The following PTCH1 variants were observed in gnomAD, a reference collection of about 807,000 sequenced individuals.
PTCH1 encodes the protein patched 1.
In PTCH1, 14 loss-of-function variants were observed where a neutral mutation model predicts 144.6. That is an observed-to-expected ratio of 0.10 (90% CI 0.06 to 0.15). The LOEUF (loss-of-function observed/expected upper bound fraction) is 0.15. Among genes scored for constraint, PTCH1 ranks in the 10% least tolerant of loss-of-function variants. The pLI is 1.00. For missense variants in PTCH1, 1,623 were observed against 1,948.3 expected, an observed-to-expected ratio of 0.83 and a Z score of 3.14; for synonymous variants, 833 against 793.6, an observed-to-expected ratio of 1.05 and a Z score of -0.83.
chr9:95,480,581 G>C lies in PTCH1; in HGVS notation c.754C>G (p.Pro252Ala), dbSNP rs751223274. The C allele has an allele frequency of 6.2e-7, 1 of 1,613,314 alleles. No homozygotes were observed. Among genetic ancestry groups the C allele is most frequent in the Non-Finnish European group, 8.5e-7 (1 of 1,179,524 alleles). Residue 252 changes from proline to alanine, a missense_variant, in exon 6 of 24, where the codon CCT (proline) becomes GCT (alanine). By Grantham distance (27) the Pro-to-Ala change is conservative. This residue lies in a region of PTCH1 where 230 missense variants were observed against 271.0 expected (regional missense o/e 0.85). Transcript: ENST00000331920. ...QSGTAYLLGK[P>A]PLRWTNFDPL... ...TCGAAGTTTGTCCACCGCAAAGGAGGTTTACCTCTGCAAAAGAAATTAGGA... is the reference window on the plus strand; with the variant it reads ...TCGAAGTTTGTCCACCGCAAAGGAGCTTTACCTCTGCAAAAGAAATTAGGA...
chr9:95,504,573 T>A (rs28446321), intron 2 of PTCH1, among the ~76,000 whole-genome samples: 18,069 of 151,980 alleles, frequency 0.12, 1,347 homozygotes, highest in African/African-American at 0.21. Context: ...CCCTATTCTG[T>A]CCAAGAATCT....
chr9:95,463,594 A>C (rs895360362), intron 15 of PTCH1, among the ~76,000 whole-genome samples: 1 of 152,158 alleles, frequency 6.6e-6, no homozygotes, highest in East Asian at 1.9e-4. Context: ...AACAATTTTC[A>C]TGATGTCATG....
chr9:95,459,561 T>A, intron 17 of PTCH1, 39 bp downstream of exon 17: 1 of 1,610,784 alleles, frequency 6.2e-7, no homozygotes, highest in African/African-American at 1.3e-5. Flanking sequence ...GGAAGGCACC[T>A]CTGTAAGTTC....
chr9:95,452,366 G>C (rs1022924989), intron 20 of PTCH1: 2 of 116,660 alleles, frequency 1.7e-5, no homozygotes, highest in Non-Finnish European at 3.8e-5. Context: ...CAACCTCTCA[G>C]TACTGAAGCG....
chr9:95,488,454 CA>C (rs1341521725), intron 2 of PTCH1, among the ~76,000 whole-genome samples: 28 of 152,226 alleles, frequency 1.8e-4, no homozygotes, highest in African/African-American at 6.3e-4. Flanking sequence ...TTCACTTTTA[CA>C]TATTATATGG....
intron 2 of PTCH1, among the ~76,000 whole-genome samples, chr9:95,490,567 T>C (rs1314008760): frequency 4.6e-5 from 6 of 130,552 alleles, no homozygotes; most frequent in East Asian, 2.2e-4. Context: ...AAAAGAAAGA[T>C]AGATATGAGA....
chr9:95,494,867 A>G (rs1429196328), intron 2 of PTCH1: 1 of 152,442 alleles, frequency 6.6e-6, no homozygotes, highest in Non-Finnish European at 1.5e-5. Flanking sequence ...ATTGCATAAC[A>G]TTAACCCCAG....
chr9:95,496,550 G>C (rs1407070938), intron 2 of PTCH1, among the ~76,000 whole-genome samples: 2 of 135,580 alleles, frequency 1.5e-5, no homozygotes, highest in African/African-American at 5.5e-5. Context: ...AAAAAAAAAA[G>C]AAAAAAAAAA....
rs765578315 is a variant in PTCH1 at position 95,461,963 on chromosome 9, C to T, written c.2596G>A (p.Gly866Arg). The change falls in exon 16 of 24, where the codon GGG (glycine) becomes AGG (arginine). Residue 866 changes from glycine to arginine, a missense_variant. This residue lies in a region of PTCH1 where 504 missense variants were observed against 679.3 expected (regional missense o/e 0.74). Transcript: ENST00000331920. ...TTGTAATTGTTTGGCATGATTTTCC[C>T]GGTTTCCCAGTCACTGTCAAATGCA... Reference protein sequence around the residue: ...QDAFDSDWETGKIMPNNYKNG... With the variant: ...QDAFDSDWETRKIMPNNYKNG... 20 of 1,614,080 alleles carry T rather than the reference C, an allele frequency of 1.2e-5. No individual in the cohort carries two copies. The highest frequency in any genetic ancestry group is 4.5e-5 in the East Asian group (2 of 44,894).
chr9:95,449,737 C>T lies in PTCH1; in HGVS notation c.3549+104G>A. 1 of 1,070,226 alleles carries T rather than the reference C, an allele frequency of 9.3e-7. No individual in the cohort carries two copies. Among genetic ancestry groups the T allele is most frequent in the Non-Finnish European group, 1.4e-6 (1 of 703,792 alleles). The allele number at this position is 1,070,226 out of a possible 1,614,324, so 66.3% of individuals were successfully genotyped here. On this transcript the variant is annotated intron_variant, in intron 21 of 23. Coordinates refer to ENST00000331920, the MANE Select transcript of PTCH1 (RefSeq NM_000264.5). This position sits in a 1 kb window ranked among gnomAD's most constrained non-coding sequence, Gnocchi z 5.3. ...TGACTCTGAGATGTTTACTGAAGAA[C>T]CACCAGCAAGTGGGGAGGCACCTAA...
chr9:95,510,899 C>T (rs1844116998), upstream of PTCH1, among the ~76,000 whole-genome samples: 1 of 150,836 alleles, frequency 6.6e-6, no homozygotes, highest in Admixed American at 6.6e-5. Context: ...GCGGCCGGGG[C>T]AGAGTAGGTA....
At chr9:95,472,702 C>A (rs1840686734) in intron 12 of PTCH1, among the ~76,000 whole-genome samples, 1 of 152,120 alleles carries the variant, frequency 6.6e-6, no homozygotes, top group African/African-American at 2.4e-5. Flanking sequence ...GCACCTTGCT[C>A]CGTGTCCATG....
intron 5 of PTCH1, among the ~76,000 whole-genome samples, chr9:95,480,790 T>C (rs1841477588): frequency 6.6e-6 from 1 of 152,160 alleles, no homozygotes; most frequent in South Asian, 2.1e-4. Context: ...TGACTGAAGA[T>C]GCTAAGCAGA....
intron 2 of PTCH1, among the ~76,000 whole-genome samples, chr9:95,490,226 CA>C (rs922872132): frequency 2.6e-5 from 4 of 151,672 alleles, no homozygotes. Flanking sequence ...GTAATCCCAG[CA>C]CTTTGGGAGG....
At position 95,448,992 on chromosome 9, in the gene PTCH1, C is replaced by T. The variant is rs955055783; in HGVS notation, c.3804+77G>A. ...CCTGTGTGATGTGCTGCTCAGCAGA[C>T]AGGAGCCCCCGCTGGACCTCCAGGC... On this transcript the variant is annotated intron_variant, in intron 22 of 23. Coordinates refer to ENST00000331920, the MANE Select transcript of PTCH1 (RefSeq NM_000264.5). 9 of 1,592,744 alleles carry T rather than the reference C, an allele frequency of 5.7e-6. No individual in the cohort carries two copies. In the African/African-American group the frequency reaches 8.1e-5, roughly 14 times the overall value.
At chr9:95,475,233 A>G (rs574457692) in intron 12 of PTCH1, among the ~76,000 whole-genome samples, 251 of 152,310 alleles carry the variant, frequency 1.6e-3, no homozygotes, top group African/African-American at 5.6e-3. Context: ...GGAACTGTCC[A>G]TGCTTACAAT....
chr9:95,513,679 T>A (rs941520655), upstream of PTCH1, among the ~76,000 whole-genome samples: 1 of 151,912 alleles, frequency 6.6e-6, no homozygotes, highest in Non-Finnish European at 1.5e-5. Context: ...TCTTAAAAGG[T>A]GATGGTAGAA....
intron 3 of PTCH1, chr9:95,482,575 G>C (rs1841635677): frequency 3.0e-6 from 1 of 331,836 alleles, no homozygotes; most frequent in Non-Finnish European, 5.7e-6. Context: ...GATTAAATTA[G>C]GTTTGCAAAG....
chr9:95,468,938 T>C lies in PTCH1; in HGVS notation c.2063A>G (p.Gln688Arg), dbSNP rs751955563. ...TAEPRSEISV[Q>R]PVTVTQDTLS... ...GGTGTCCTGTGTCACGGTGACGGGCTGCACAGAGATCTCGGAGCGCGGCTC... is the reference window on the plus strand; with the variant it reads ...GGTGTCCTGTGTCACGGTGACGGGCCGCACAGAGATCTCGGAGCGCGGCTC... The change falls in exon 14 of 24, where the codon CAG (glutamine) becomes CGG (arginine). Residue 688 changes from glutamine to arginine, a missense_variant. This residue lies in a region of PTCH1 where 179 missense variants were observed against 165.7 expected (regional missense o/e 1.08). Coordinates refer to ENST00000331920, the MANE Select transcript of PTCH1 (RefSeq NM_000264.5). 6 of 1,614,084 alleles carry C rather than the reference T, an allele frequency of 3.7e-6. No homozygotes were observed. Among genetic ancestry groups the C allele is most frequent in the African/African-American group, 2.7e-5 (2 of 75,020 alleles).
Sources: gnomAD v4.1 joint callset for allele counts (sites outside exome capture counted in the v4.1 genomes callset) on GRCh38, gnomAD v4.1.1 for gene constraint, gnomAD v4.1.1 regional missense constraint, Gnocchi (gnomAD v3.1) non-coding constraint, MANE v1.5 for transcripts, NCBI Gene and HGNC (gene_info 2026-07-23, HGNC 2026-07-21) for gene names.